PFKFB3: variants seen among roughly 807,000 people sequenced by gnomAD.
PFKFB3 encodes the protein 6-phosphofructo-2-kinase/fructose-2,6-bisphosphatase 3.
A neutral mutation model predicts 68.0 loss-of-function variants in PFKFB3; 33 were observed. The observed-to-expected ratio is 0.49, with a 90% CI of 0.37 to 0.65. PFKFB3 has a LOEUF of 0.65. Among genes scored for constraint, PFKFB3 ranks in the 30% least tolerant of loss-of-function variants. The pLI is 0.00. For missense variants in PFKFB3, 586 were observed against 712.2 expected, an observed-to-expected ratio of 0.82 and a Z score of 2.02; for synonymous variants, 315 against 288.2, an observed-to-expected ratio of 1.09 and a Z score of -0.94.
At chr10:6,152,514 G>A (rs909642629) in intron 1 of PFKFB3, among the ~76,000 whole-genome samples, 2 of 152,164 alleles carry the variant, frequency 1.3e-5, no homozygotes, top group African/African-American at 2.4e-5. Context: ...ACGTTTGCAC[G>A]AGGAACATTC....
In PFKFB3 at chr10:6,187,198, T is replaced by TAAAAAAA. The variant is rs770875957; in HGVS notation, c.17-26418_17-26412dup. On this transcript the variant is annotated intron_variant, in intron 1 of 14. Transcript: ENST00000379789. Reference sequence around the variant, plus strand: ...CAACATGGTGAATCCCTGTTTCTACTAAAAAAAAAAAAATTAGCTGGACAT... The same window carrying TAAAAAAA: ...CAACATGGTGAATCCCTGTTTCTACTAAAAAAAAAAAAAAAAAAAATTAGCTGGACAT... 1.3e-3 allele frequency among the ~76,000 whole-genome samples: 188 copies of TAAAAAAA among 142,078 alleles called. 2 individuals carry two copies. Among genetic ancestry groups the TAAAAAAA allele is most frequent in the African/African-American group, 4.4e-3 (171 of 38,754 alleles). 93.2% of individuals were successfully genotyped at this position (142,078 alleles called of 152,430 possible).
intron 1 of PFKFB3, among the ~76,000 whole-genome samples, chr10:6,156,680 G>A (rs1385159480): frequency 2.7e-5 from 4 of 149,346 alleles, no homozygotes; most frequent in African/African-American, 9.9e-5. Context: ...TAGAGATGGG[G>A]TTTCGCCATG....
chr10:6,266,011 A>G, the PFKFB3 span, among the ~76,000 whole-genome samples: 1 of 152,018 alleles, frequency 6.6e-6, no homozygotes, highest in East Asian at 1.9e-4. Context: ...CCTGCGCTCA[A>G]GGAATCCTCC....
At chr10:6,167,390 T>G (rs1220924836) in intron 1 of PFKFB3, among the ~76,000 whole-genome samples, 1 of 152,228 alleles carries the variant, frequency 6.6e-6, no homozygotes, top group Non-Finnish European at 1.5e-5. Context: ...GGTAACCCTT[T>G]CTGAGCTCCT....
chr10:6,244,163 C>G (rs1846202673), intron 14 of PFKFB3, among the ~76,000 whole-genome samples: 4 of 152,228 alleles, frequency 2.6e-5, no homozygotes, highest in African/African-American at 7.2e-5. Flanking sequence ...AAGCTGGTGT[C>G]AGCGATTTCT....
downstream of PFKFB3, among the ~76,000 whole-genome samples, chr10:6,239,143 A>G (rs1406595908): frequency 1.3e-5 from 2 of 152,184 alleles, no homozygotes; most frequent in African/African-American, 4.8e-5. Context: ...GAATTGCCCC[A>G]CTGGGGAAGA....
the PFKFB3 span, among the ~76,000 whole-genome samples, chr10:6,270,610 T>G: frequency 2.6e-5 from 4 of 152,186 alleles, no homozygotes; most frequent in African/African-American, 9.7e-5. Context: ...GCTTGCTGTT[T>G]CCTCTGGATA....
chr10:6,213,588 G>A lies in PFKFB3; in HGVS notation c.77-35G>A, dbSNP rs759324429. 6.3e-6 allele frequency: 10 copies of A among 1,593,004 alleles called. No homozygotes were observed. The Admixed American group carries it at 1.8e-4, about 28-fold the overall frequency. ...CTCTGCTCCTCTTCTCCGGTCACTT[G>A]GTTGATGACACACCCTTCTTGCTTG... is the stretch of plus-strand genomic sequence containing the variant. On this transcript the variant is annotated intron_variant, in intron 1 of 14. Transcript: ENST00000379775.
rs1588519428 is a variant in PFKFB3, at chr10:6,222,905, G to A, written c.1134G>A (p.Glu378=). The change falls in exon 11 of 15, where the codon GAG becomes GAA. Residue 378 remains glutamate, a synonymous_variant. Coordinates refer to ENST00000379775, the MANE Select transcript of PFKFB3 (RefSeq NM_004566.4). ...TGGAGCCAGTGATCATGGAGCTGGA[G>A]CGGCAGGAGAATGTGCTGGTCATCT... ...QRLEPVIMEL[E]RQENVLVICH... The A allele has an allele frequency of 1.2e-6, 2 of 1,613,996 alleles. No homozygotes were observed. Among genetic ancestry groups the A allele is most frequent in the Non-Finnish European group, 1.7e-6 (2 of 1,179,942 alleles).
chr10:6,157,579 A>G (rs1208743795), intron 1 of PFKFB3, among the ~76,000 whole-genome samples: 1 of 151,854 alleles, frequency 6.6e-6, no homozygotes, highest in Non-Finnish European at 1.5e-5. Context: ...ATCTGTTTAT[A>G]ATAAATGAGT....
intron 1 of PFKFB3, among the ~76,000 whole-genome samples, chr10:6,169,616 A>G (rs1842245331): frequency 6.6e-6 from 1 of 152,156 alleles, no homozygotes; most frequent in African/African-American, 2.4e-5. Flanking sequence ...TGGCTGAGGA[A>G]CAGGAAGAGT....
At chr10:6,168,450 C>G (rs544417489) in intron 1 of PFKFB3, among the ~76,000 whole-genome samples, 1 of 152,338 alleles carries the variant, frequency 6.6e-6, no homozygotes, top group African/African-American at 2.4e-5. Context: ...CATCTCTGTG[C>G]TTCAGTTCCC....
At chr10:6,186,559 A>G (rs1842873460) in intron 1 of PFKFB3, among the ~76,000 whole-genome samples, 1 of 152,240 alleles carries the variant, frequency 6.6e-6, no homozygotes, top group African/African-American at 2.4e-5. Flanking sequence ...AATTTGTCAC[A>G]GATCATTTCA....
the PFKFB3 span, among the ~76,000 whole-genome samples, chr10:6,281,183 ACACCACAG>A: frequency 7.4e-6 from 1 of 134,508 alleles, no homozygotes; most frequent in African/African-American, 2.6e-5. Flanking sequence ...ATATATATAT[ACACCACAG>A]TTTCTTTATC....
chr10:6,228,374 G>C lies in PFKFB3; in HGVS notation c.1515+2009G>C. 1.3e-6 allele frequency: 1 copy of C among 793,390 alleles called. No individual in the cohort carries two copies. Among genetic ancestry groups the C allele is most frequent in the Non-Finnish European group, 2.1e-6 (1 of 465,398 alleles). 49.1% of individuals were successfully genotyped at this position (793,390 alleles called of 1,614,324 possible). A position where few individuals can be genotyped will look rare whatever the true frequency, so the allele number is the denominator to read the frequency against. On this transcript the variant is annotated intron_variant, in intron 14 of 14. Coordinates refer to ENST00000379775, the MANE Select transcript of PFKFB3 (RefSeq NM_004566.4). The surrounding 1 kb of genome is among the most constrained non-coding windows in gnomAD (Gnocchi z 4.5). The stretch of plus-strand genomic sequence containing the variant: ...GAGATGGGCGTAGGAGTAGGGAGGA[G>C]AGATTCCTGAATGTTTTTGGAAAAG...
intron 5 of PFKFB3, 136 bp downstream of exon 5, chr10:6,216,916 C>T: frequency 1.2e-6 from 1 of 810,222 alleles, no homozygotes; most frequent in South Asian, 1.6e-5. Context: ...TCCCCTCCTG[C>T]TGCCCACGTT....
At chr10:6,294,545 C>T in the PFKFB3 span, 1 of 176,984 alleles carries the variant, frequency 5.7e-6, no homozygotes, top group Non-Finnish European at 1.2e-5. Flanking sequence ...TTACCTCCCA[C>T]CGGGTCCCTC....
intron 1 of PFKFB3, among the ~76,000 whole-genome samples, chr10:6,194,698 G>C (rs1382836413): frequency 6.6e-6 from 1 of 152,190 alleles, no homozygotes; most frequent in East Asian, 1.9e-4. Context: ...ACAGGGGTTT[G>C]TGGATTCAGT....
At chr10:6,217,079 C>G in intron 5 of PFKFB3, 56 bp from the exon 6 acceptor site, 3 of 1,545,770 alleles carry the variant, frequency 1.9e-6, no homozygotes, top group Non-Finnish European at 2.7e-6. Context: ...GCAGTGATGG[C>G]AAGGTTGATC....
Sources: gnomAD v4.1 joint callset for allele counts (sites outside exome capture counted in the v4.1 genomes callset) on GRCh38, gnomAD v4.1.1 for gene constraint, Gnocchi (gnomAD v3.1) non-coding constraint, MANE v1.5 for transcripts, NCBI Gene and HGNC (gene_info 2026-07-23, HGNC 2026-07-21) for gene names.